Variants in EXOC6B observed in about 807,000 individuals in gnomAD.
The protein encoded by EXOC6B is exocyst complex component 6B.
Under a neutral mutation model 113.5 loss-of-function variants are expected in EXOC6B, and 54 were observed. That is an observed-to-expected ratio of 0.48 (90% CI 0.38 to 0.60). The LOEUF is 0.60. EXOC6B is among the 20% of genes least tolerant of loss of function. The pLI is 0.00. For missense variants in EXOC6B, 797 were observed against 977.5 expected, an observed-to-expected ratio of 0.82 and a Z score of 2.46; for synonymous variants, 357 against 339.0, an observed-to-expected ratio of 1.05 and a Z score of -0.58.
chr2:72,570,827 A>C (rs761962327), intron 7 of EXOC6B, among the ~76,000 whole-genome samples: 9 of 152,196 alleles, frequency 5.9e-5, no homozygotes, highest in African/African-American at 9.6e-5. Flanking sequence ...TCATCAGTCC[A>C]TGCAAATATA....
chr2:72,662,319 A>G (rs1573577754), intron 6 of EXOC6B, among the ~76,000 whole-genome samples: 1 of 152,316 alleles, frequency 6.6e-6, no homozygotes, highest in East Asian at 1.9e-4. Context: ...ACTTTCTAAA[A>G]ACTGATAAAT....
intron 6 of EXOC6B, among the ~76,000 whole-genome samples, chr2:72,582,758 AGCAATG>A (rs1200661890): frequency 1.3e-5 from 2 of 152,166 alleles, no homozygotes; most frequent in Non-Finnish European, 2.9e-5. Context: ...CAGGCTCTCC[AGCAATG>A]GTTCCTAACC....
At chr2:72,503,410 G>T (rs1573274201) in intron 11 of EXOC6B, among the ~76,000 whole-genome samples, 1 of 152,102 alleles carries the variant, frequency 6.6e-6, no homozygotes, top group Non-Finnish European at 1.5e-5. Flanking sequence ...CCATAGTTTT[G>T]CCATTTCCAG....
intron 20 of EXOC6B, among the ~76,000 whole-genome samples, chr2:72,303,755 C>T (rs1295595924): frequency 6.6e-6 from 1 of 152,158 alleles, no homozygotes; most frequent in East Asian, 1.9e-4. Flanking sequence ...GGACATAAGA[C>T]ATTCTGGTCA....
intron 20 of EXOC6B, among the ~76,000 whole-genome samples, chr2:72,190,653 A>G (rs926268445): frequency 6.6e-6 from 1 of 152,156 alleles, no homozygotes; most frequent in Non-Finnish European, 1.5e-5. Flanking sequence ...GAGCAGAAAC[A>G]TATGTATTTT....
chr2:72,467,406 C>T (rs1209963737), intron 17 of EXOC6B, among the ~76,000 whole-genome samples: 1 of 152,130 alleles, frequency 6.6e-6, no homozygotes, highest in Admixed American at 6.5e-5. Flanking sequence ...GGGGGAACCT[C>T]CATACTGTTT....
intron 20 of EXOC6B, among the ~76,000 whole-genome samples, chr2:72,254,666 T>G (rs1683243021): frequency 6.6e-6 from 1 of 152,168 alleles, no homozygotes; most frequent in Non-Finnish European, 1.5e-5. Flanking sequence ...CGGCAAGTGA[T>G]AGAAAAAGCC....
intron 19 of EXOC6B, among the ~76,000 whole-genome samples, chr2:72,366,402 TA>T (rs1690631451): frequency 6.6e-6 from 1 of 151,172 alleles, no homozygotes; most frequent in African/African-American, 2.4e-5. Flanking sequence ...ATGAAGTGCA[TA>T]AAGAAGAAAA....
At chr2:72,684,178 C>T (rs1017520043) in intron 6 of EXOC6B, among the ~76,000 whole-genome samples, 5 of 152,242 alleles carry the variant, frequency 3.3e-5, no homozygotes, top group South Asian at 2.1e-4. Flanking sequence ...CTACCCGCCT[C>T]GGCCTCTCAA....
At chr2:72,242,093 G>C (rs1682347874) in intron 20 of EXOC6B, among the ~76,000 whole-genome samples, 1 of 152,106 alleles carries the variant, frequency 6.6e-6, no homozygotes, top group South Asian at 2.1e-4. Context: ...TGTAGTCCCA[G>C]CTACTGGAAG....
chr2:72,755,186 T>C (rs1682334012), intron 1 of EXOC6B, among the ~76,000 whole-genome samples: 1 of 152,150 alleles, frequency 6.6e-6, no homozygotes, highest in South Asian at 2.1e-4. Context: ...TGCCTCAAAG[T>C]TCTTGAACAA....
At chr2:72,549,922 T>C (rs1349119188) in intron 8 of EXOC6B, among the ~76,000 whole-genome samples, 1 of 152,054 alleles carries the variant, frequency 6.6e-6, no homozygotes, top group Non-Finnish European at 1.5e-5. Context: ...TTAAGAATTA[T>C]AAGGCAAAAA....
intron 12 of EXOC6B, 58 bp downstream of exon 12, chr2:72,499,843 G>C: frequency 8.0e-7 from 1 of 1,248,520 alleles, no homozygotes; most frequent in Non-Finnish European, 1.1e-6. Flanking sequence ...CAAGAAAAAG[G>C]TTTAGAGCTG....
At chr2:72,427,072 G>T (rs1259329439) in intron 18 of EXOC6B, among the ~76,000 whole-genome samples, 2 of 152,230 alleles carry the variant, frequency 1.3e-5, no homozygotes, top group South Asian at 2.1e-4. Context: ...GAAGGGGGTT[G>T]GCAGAGCTGG....
chr2:72,370,785 T>C (rs1690954567), intron 19 of EXOC6B, among the ~76,000 whole-genome samples: 1 of 151,108 alleles, frequency 6.6e-6, no homozygotes, highest in Non-Finnish European at 1.5e-5. Flanking sequence ...CACCGCATGT[T>C]CTCACTCATA....
intron 8 of EXOC6B, among the ~76,000 whole-genome samples, chr2:72,536,008 G>A (rs1180649248): frequency 6.6e-6 from 1 of 152,076 alleles, no homozygotes; most frequent in Non-Finnish European, 1.5e-5. Flanking sequence ...GGATATCTCT[G>A]ATAATATGAC....
intron 6 of EXOC6B, among the ~76,000 whole-genome samples, chr2:72,690,707 TA>T (rs756134416): frequency 7.8e-4 from 119 of 152,200 alleles, no homozygotes; most frequent in Non-Finnish European, 1.4e-3. Flanking sequence ...TTTCTTACAC[TA>T]AAGATTTCTG....
intron 16 of EXOC6B, among the ~76,000 whole-genome samples, chr2:72,487,562 T>C (rs1027786758): frequency 3.9e-5 from 6 of 152,132 alleles, no homozygotes; most frequent in African/African-American, 1.2e-4. Flanking sequence ...GGTTTCGCCA[T>C]GTTGGCCAGG....
At chr2:72,274,407 C>G (rs1684685798) in intron 20 of EXOC6B, among the ~76,000 whole-genome samples, 1 of 152,108 alleles carries the variant, frequency 6.6e-6, no homozygotes, top group Non-Finnish European at 1.5e-5. Context: ...TGGACAAATA[C>G]AAAGTATTTT....
Sources: gnomAD v4.1 joint callset for allele counts (sites outside exome capture counted in the v4.1 genomes callset) on GRCh38, gnomAD v4.1.1 for gene constraint, MANE v1.5 for transcripts, NCBI Gene and HGNC (gene_info 2026-07-23, HGNC 2026-07-21) for gene names.